Variants in DRC8 observed in about 807,000 individuals in gnomAD.
DRC8 encodes dynein regulatory complex protein 8.
the DRC8 span, among the ~76,000 whole-genome samples, chr1:244,985,076 GT>G: frequency 6.0e-4 from 79 of 130,808 alleles, no homozygotes; most frequent in Middle Eastern, 7.8e-3. Context: ...TGTCTCCAGG[GT>G]TTTTTTTTTT....
At chr1:244,995,900 C>T in the DRC8 span, among the ~76,000 whole-genome samples, 2 of 152,240 alleles carry the variant, frequency 1.3e-5, no homozygotes, top group African/African-American at 2.4e-5. Context: ...GGCTGCAAAG[C>T]CTCTCCCACA....
At chr1:245,042,173 C>A in the DRC8 span, among the ~76,000 whole-genome samples, 1 of 152,232 alleles carries the variant, frequency 6.6e-6, no homozygotes, top group Non-Finnish European at 1.5e-5. Context: ...TGCGGAGTGC[C>A]TGCGCCATGG....
chr1:244,970,638 T>G, the DRC8 span: 1 of 486,180 alleles, frequency 2.1e-6, no homozygotes, highest in Admixed American at 5.5e-5. Flanking sequence ...GGCCCGCCGC[T>G]CCGCCCCGCC....
the DRC8 span, among the ~76,000 whole-genome samples, chr1:245,019,052 A>G: frequency 6.6e-6 from 1 of 152,178 alleles, no homozygotes; most frequent in Non-Finnish European, 1.5e-5. Context: ...ACTGACAGCA[A>G]TGATGCCAGG....
chr1:244,992,082 C>T, the DRC8 span, among the ~76,000 whole-genome samples: 4 of 152,312 alleles, frequency 2.6e-5, 1 homozygote, highest in South Asian at 8.3e-4. Flanking sequence ...TTTTTATAGA[C>T]GTATCTGTGA....
At chr1:245,050,062 C>T in the DRC8 span, among the ~76,000 whole-genome samples, 21 of 152,120 alleles carry the variant, frequency 1.4e-4, no homozygotes, top group Non-Finnish European at 2.8e-4. Context: ...TGGCTAGAGG[C>T]CATCACATCC....
chr1:245,120,424 T>C, the DRC8 span, among the ~76,000 whole-genome samples: 3 of 152,250 alleles, frequency 2.0e-5, no homozygotes, highest in East Asian at 1.9e-4. Flanking sequence ...ACCAGTTCCC[T>C]TCTCAAGAAT....
chr1:245,002,100 C>G, the DRC8 span: 4 of 1,569,750 alleles, frequency 2.5e-6, no homozygotes, highest in South Asian at 3.5e-5. Context: ...AAGTACTCTT[C>G]ATGTGTCTCC....
the DRC8 span, among the ~76,000 whole-genome samples, chr1:244,998,759 AGGACAGTG>A: frequency 1.3e-5 from 2 of 152,224 alleles, no homozygotes; most frequent in Non-Finnish European, 2.9e-5. Flanking sequence ...CCATGGCACT[AGGACAGTG>A]GTTAATGTGC....
At chr1:245,085,022 A>C in the DRC8 span, among the ~76,000 whole-genome samples, 1 of 152,234 alleles carries the variant, frequency 6.6e-6, no homozygotes, top group Non-Finnish European at 1.5e-5. Context: ...TATATCAGGC[A>C]ACATGAATTT....
the DRC8 span, among the ~76,000 whole-genome samples, chr1:245,004,736 G>T: frequency 0.1 from 15,726 of 152,138 alleles, 907 homozygotes; most frequent in East Asian, 0.25. Context: ...TATTCTAAGG[G>T]CACGCAGAAT....
chr1:245,076,257 C>A, the DRC8 span, among the ~76,000 whole-genome samples: 3 of 152,292 alleles, frequency 2.0e-5, no homozygotes, highest in African/African-American at 7.2e-5. Flanking sequence ...TCATCATCAT[C>A]GTCATGATTG....
At chr1:245,050,551 G>A in the DRC8 span, among the ~76,000 whole-genome samples, 1 of 152,136 alleles carries the variant, frequency 6.6e-6, no homozygotes, top group Non-Finnish European at 1.5e-5. Context: ...TTTTCTATCT[G>A]TAAAGTGGGG....
At chr1:245,064,570 C>T in the DRC8 span, among the ~76,000 whole-genome samples, 1 of 152,174 alleles carries the variant, frequency 6.6e-6, no homozygotes, top group Non-Finnish European at 1.5e-5. Context: ...AGCATTTTAA[C>T]ATATTATTTG....
chr1:245,096,497 T>A, the DRC8 span, among the ~76,000 whole-genome samples: 1 of 152,236 alleles, frequency 6.6e-6, no homozygotes, highest in Non-Finnish European at 1.5e-5. Flanking sequence ...GTACCAGAGA[T>A]GCCAAAATGA....
the DRC8 span, among the ~76,000 whole-genome samples, chr1:245,029,258 C>T: frequency 6.6e-6 from 1 of 152,220 alleles, no homozygotes; most frequent in Non-Finnish European, 1.5e-5. Flanking sequence ...ATTTCTGTAT[C>T]TTTGGAGGCC....
At chr1:244,995,193 T>C in the DRC8 span, among the ~76,000 whole-genome samples, 3 of 151,948 alleles carry the variant, frequency 2.0e-5, no homozygotes, top group Non-Finnish European at 4.4e-5. Context: ...AAACCCCGTC[T>C]CTACTAAAAA....
chr1:245,063,561 G>C, the DRC8 span, among the ~76,000 whole-genome samples: 3 of 152,288 alleles, frequency 2.0e-5, no homozygotes, highest in Admixed American at 1.3e-4. Context: ...GGATGGCCTT[G>C]GCTCAAATAT....
At chr1:245,098,336 C>T in the DRC8 span, among the ~76,000 whole-genome samples, 6 of 151,896 alleles carry the variant, frequency 4.0e-5, no homozygotes, top group South Asian at 2.1e-4. Context: ...GTCAGTGCAC[C>T]GAAGATGTTT....
Sources: allele counts gnomAD v4.1 joint callset (sites outside exome capture counted in the v4.1 genomes callset), GRCh38; gene constraint gnomAD v4.1.1; transcripts MANE v1.5; gene names NCBI Gene and HGNC (gene_info 2026-07-23, HGNC 2026-07-21).